SEPTIN9: variants seen among roughly 807,000 people sequenced by gnomAD.
The protein encoded by SEPTIN9 is septin 9, also known as septin-9.
SEPTIN9 carries 13 observed loss-of-function variants against 56.6 expected under a neutral mutation model. The ratio of observed to expected loss-of-function variants is 0.23; its 90% CI spans 0.15 to 0.37. The LOEUF is 0.37. Among genes scored for constraint, SEPTIN9 ranks in the 10% least tolerant of loss-of-function variants. SEPTIN9 has a pLI of 1.00. For missense variants in SEPTIN9, 650 were observed against 823.1 expected (o/e 0.79, Z 2.57); for synonymous variants, 332 against 334.1 (o/e 0.99, Z 0.07).
At position 77,463,107 on chromosome 17, in the gene SEPTIN9, C is replaced by T. The variant is rs1254842252; in HGVS notation, c.722-19037C>T. ...TCTGTCTCTGGAGATGAGGCTGTTC[C>T]TTTCCGCTGGGTGTAGGGAGGGCAC... is the stretch of plus-strand genomic sequence containing the variant. On this transcript the variant is annotated intron_variant, in intron 3 of 11. Coordinates refer to ENST00000427177, the MANE Select transcript of SEPTIN9 (RefSeq NM_001113491.2). Among the ~76,000 whole-genome samples, 24 of 152,186 alleles carry T rather than the reference C, an allele frequency of 1.6e-4. 1 individual carries two copies. Among genetic ancestry groups the T allele is most frequent in the Admixed American group, 1.6e-3 (24 of 15,288 alleles).
At chr17:77,481,157 C>T (rs925287749) in intron 3 of SEPTIN9, among the ~76,000 whole-genome samples, 1 of 152,228 alleles carries the variant, frequency 6.6e-6, no homozygotes, top group South Asian at 2.1e-4. Context: ...GTCTTCCGGG[C>T]GTCCGCCCCC....
chr17:77,386,199 T>G (rs1300128189), intron 2 of SEPTIN9, among the ~76,000 whole-genome samples: 1 of 152,210 alleles, frequency 6.6e-6, no homozygotes, highest in Admixed American at 6.5e-5. Context: ...TGACTCCTCC[T>G]GCAGCCCTGT....
chr17:77,314,705 G>A (rs1358772077), intron 2 of SEPTIN9, among the ~76,000 whole-genome samples: 5 of 152,176 alleles, frequency 3.3e-5, no homozygotes, highest in Non-Finnish European at 5.9e-5. Flanking sequence ...AGGTGGGGCC[G>A]ATCCTACGAA....
At chr17:77,491,323 G>A (rs73377534) in intron 8 of SEPTIN9, among the ~76,000 whole-genome samples, 3 of 152,008 alleles carry the variant, frequency 2.0e-5, no homozygotes, top group Admixed American at 6.5e-5. Flanking sequence ...CTCAGTCCCC[G>A]AGTAGCTGGA....
chr17:77,395,744 T>A (rs1448267893), intron 2 of SEPTIN9, among the ~76,000 whole-genome samples: 1 of 152,206 alleles, frequency 6.6e-6, no homozygotes, highest in Non-Finnish European at 1.5e-5. Context: ...AGGATCTTTG[T>A]ATACATCTTG....
chr17:77,354,898 G>A (rs944820494), intron 2 of SEPTIN9, among the ~76,000 whole-genome samples: 1 of 152,032 alleles, frequency 6.6e-6, no homozygotes, highest in East Asian at 1.9e-4. Context: ...GCAGGCCCGA[G>A]CACTGCTCTT....
chr17:77,441,613 C>T (rs1598380447), intron 3 of SEPTIN9, among the ~76,000 whole-genome samples: 1 of 152,254 alleles, frequency 6.6e-6, no homozygotes, highest in East Asian at 1.9e-4. Flanking sequence ...TTCAGGGTGG[C>T]TACCGCTTGT....
chr17:77,405,082 A>C lies in SEPTIN9; in HGVS notation c.721+2379A>C, dbSNP rs2036019643. ...GAGGCGGTTGTCACCGAGCCATCTA[A>C]ATCTCGGTGATGGCTGGTGCTGGAT... On this transcript the variant is annotated intron_variant, in intron 3 of 11. Transcript: ENST00000427177. The surrounding 1 kb of genome is among the most constrained non-coding windows in gnomAD (Gnocchi z 5.8). 19 of 1,535,034 alleles carry C rather than the reference A, an allele frequency of 1.2e-5. No homozygotes were observed. In the East Asian group the frequency reaches 4.4e-4, roughly 36 times the overall value.
At chr17:77,383,636 C>T (rs1156580861) in intron 2 of SEPTIN9, among the ~76,000 whole-genome samples, 1 of 152,248 alleles carries the variant, frequency 6.6e-6, no homozygotes, top group Non-Finnish European at 1.5e-5. Flanking sequence ...CACTCAATGA[C>T]TGAGTTTGCA....
intron 2 of SEPTIN9, among the ~76,000 whole-genome samples, chr17:77,335,786 T>C (rs112507576): frequency 1.6e-4 from 8 of 49,072 alleles, no homozygotes; most frequent in East Asian, 6.4e-4. Flanking sequence ...ATGTAGGCCC[T>C]ATGTTGACTG....
At chr17:77,452,037 G>A (rs1283341141) in intron 3 of SEPTIN9, among the ~76,000 whole-genome samples, 1 of 152,208 alleles carries the variant, frequency 6.6e-6, no homozygotes, top group African/African-American at 2.4e-5. Context: ...TCCCCGCGGC[G>A]CCGGCACTGG....
intron 2 of SEPTIN9, among the ~76,000 whole-genome samples, chr17:77,314,510 G>C (rs935936366): frequency 2.0e-5 from 3 of 152,160 alleles, no homozygotes; most frequent in Middle Eastern, 6.8e-3. Context: ...AAAGCGAGAG[G>C]TTGTGCGTCC....
chr17:77,486,487 G>GGTGTGTGTGTGT (rs773025304), intron 4 of SEPTIN9, among the ~76,000 whole-genome samples: 29 of 143,738 alleles, frequency 2.0e-4, no homozygotes, highest in African/African-American at 5.6e-4. Context: ...AGTCTGGAGG[G>GGTGTGTGTGTGT]GTGTGTGTGT....
At position 77,456,082 on chromosome 17, in the gene SEPTIN9, G is replaced by A. The variant is rs1003830718; in HGVS notation, c.722-26062G>A. 1.3e-5 allele frequency among the ~76,000 whole-genome samples: 2 copies of A among 152,020 alleles called. No homozygotes were observed. Among genetic ancestry groups the A allele is most frequent in the Non-Finnish European group, 2.9e-5 (2 of 67,984 alleles). On this transcript the variant is annotated intron_variant, in intron 3 of 11. Coordinates refer to ENST00000427177, the MANE Select transcript of SEPTIN9 (RefSeq NM_001113491.2). This position sits in a 1 kb window ranked among gnomAD's most constrained non-coding sequence, Gnocchi z 6.0. The stretch of plus-strand genomic sequence containing the variant: ...TTTTGTGCCTTGTGTGCTGGGGCCG[G>A]AGGAAACACTGCCCGTGGCCGGTGT...
intron 2 of SEPTIN9, among the ~76,000 whole-genome samples, chr17:77,364,516 G>A (rs890479638): frequency 2.0e-5 from 3 of 152,218 alleles, no homozygotes; most frequent in African/African-American, 4.8e-5. Context: ...TGGGCAGAGC[G>A]GAGAGGTTCC....
In SEPTIN9 at chr17:77,320,094, A is replaced by G; in HGVS notation, c.76+12897A>G. On this transcript the variant is annotated intron_variant, in intron 2 of 11. Coordinates refer to ENST00000427177, the MANE Select transcript of SEPTIN9 (RefSeq NM_001113491.2). Reference sequence around the variant, plus strand: ...CTTTTTCCTCCCGTTTTGAAGAGACAATGCTACTTCAGTTTGGAGCACAAA... The same window carrying G: ...CTTTTTCCTCCCGTTTTGAAGAGACGATGCTACTTCAGTTTGGAGCACAAA... The G allele has an allele frequency of 2.1e-6, 3 of 1,440,968 alleles. No homozygotes were observed. In the South Asian group the frequency reaches 4.4e-5, roughly 21 times the overall value. The allele number at this position is 1,440,968 out of a possible 1,614,324, so 89.3% of individuals were successfully genotyped here.
intron 1 of SEPTIN9, among the ~76,000 whole-genome samples, chr17:77,292,546 T>G (rs1249166609): frequency 1.3e-5 from 2 of 151,352 alleles, no homozygotes; most frequent in African/African-American, 4.9e-5. Context: ...CAGGCTGGAG[T>G]GCAGTGGTGA....
intron 3 of SEPTIN9, among the ~76,000 whole-genome samples, chr17:77,430,883 C>A (rs973614472): frequency 4.0e-5 from 6 of 151,876 alleles, no homozygotes; most frequent in African/African-American, 1.5e-4. Flanking sequence ...CCCAGCTACT[C>A]TGGAGGCTGA....
intron 2 of SEPTIN9, among the ~76,000 whole-genome samples, chr17:77,379,239 G>T (rs1209400736): frequency 1.3e-5 from 2 of 152,060 alleles, no homozygotes; most frequent in Non-Finnish European, 2.9e-5. Context: ...TGGGCCCGGG[G>T]TGTCAGGAGG....
Sources: gnomAD v4.1 joint callset for allele counts (sites outside exome capture counted in the v4.1 genomes callset) on GRCh38, gnomAD v4.1.1 for gene constraint, Gnocchi (gnomAD v3.1) non-coding constraint, MANE v1.5 for transcripts, NCBI Gene and HGNC (gene_info 2026-07-23, HGNC 2026-07-21) for gene names.